The following GPC6 variants were observed in gnomAD, a reference collection of about 807,000 sequenced individuals.
The protein encoded by GPC6 is glypican 6.
Under a neutral mutation model 55.2 loss-of-function variants are expected in GPC6, and 14 were observed. That is an observed-to-expected ratio of 0.25 (90% confidence interval 0.17 to 0.40). GPC6 has a LOEUF of 0.40. Ranked by LOEUF, GPC6 falls within the 10% of genes least tolerant of loss-of-function variation. The pLI is 1.00. For synonymous variants in GPC6, 278 were observed against 259.6 expected, an observed-to-expected ratio of 1.07 and a Z score of -0.68; for missense variants, 641 against 708.5, an observed-to-expected ratio of 0.90 and a Z score of 1.08.
At chr13:94,273,112 C>T (rs1892097443) in intron 4 of GPC6, among the ~76,000 whole-genome samples, 1 of 152,164 alleles carries the variant, frequency 6.6e-6, no homozygotes, top group African/African-American at 2.4e-5. Flanking sequence ...TGCTGCCTGC[C>T]TGGTGTTGCA....
chr13:93,254,233 A>C (rs1453841532), intron 1 of GPC6, among the ~76,000 whole-genome samples: 1 of 152,168 alleles, frequency 6.6e-6, no homozygotes, highest in Admixed American at 6.5e-5. Context: ...GGCTGAGAAG[A>C]GGATCACTTG....
chr13:93,529,713 T>TA (rs1881792158), intron 1 of GPC6, among the ~76,000 whole-genome samples: 2 of 151,786 alleles, frequency 1.3e-5, no homozygotes, highest in Non-Finnish European at 1.5e-5. Context: ...GACAGGTTTT[T>TA]ACCACCTGGG....
intron 4 of GPC6, among the ~76,000 whole-genome samples, chr13:94,129,530 C>T (rs912395627): frequency 1.3e-5 from 2 of 152,108 alleles, no homozygotes. Flanking sequence ...GGTTCTGCCT[C>T]CCACTCTTCT....
chr13:93,434,795 C>T (rs530637932), intron 1 of GPC6, among the ~76,000 whole-genome samples: 1 of 152,280 alleles, frequency 6.6e-6, no homozygotes, highest in African/African-American at 2.4e-5. Flanking sequence ...CAATCCCCAC[C>T]TCCAGGGTTC....
At chr13:93,246,094 C>A (rs536452018) in intron 1 of GPC6, among the ~76,000 whole-genome samples, 1 of 152,318 alleles carries the variant, frequency 6.6e-6, no homozygotes, top group African/African-American at 2.4e-5. Flanking sequence ...ATCCCCCCAA[C>A]CTCCTCCTTG....
At chr13:93,771,407 T>C (rs9524204) in intron 2 of GPC6, among the ~76,000 whole-genome samples, 31,596 of 152,036 alleles carry the variant, frequency 0.21, 3,770 homozygotes, top group Non-Finnish European at 0.27. Context: ...GGAGTGCTGC[T>C]TTTTTGGCTT....
intron 1 of GPC6, among the ~76,000 whole-genome samples, chr13:93,463,700 G>A (rs1050997511): frequency 4.6e-5 from 7 of 152,090 alleles, no homozygotes; most frequent in Middle Eastern, 3.4e-3. Context: ...ACCACATTCT[G>A]GAACGCCTTT....
At chr13:93,369,877 C>T (rs1018651485) in intron 1 of GPC6, among the ~76,000 whole-genome samples, 2 of 152,068 alleles carry the variant, frequency 1.3e-5, no homozygotes, top group African/African-American at 4.8e-5. Flanking sequence ...CAGTGTATTT[C>T]AAATCATCAG....
intron 2 of GPC6, among the ~76,000 whole-genome samples, chr13:93,754,265 A>G (rs1884695777): frequency 6.6e-6 from 1 of 152,224 alleles, no homozygotes; most frequent in African/African-American, 2.4e-5. Flanking sequence ...GGACATTAGT[A>G]ACAGTTAGAA....
intron 2 of GPC6, among the ~76,000 whole-genome samples, chr13:93,547,805 C>A (rs9524124): frequency 0.15 from 20,770 of 139,014 alleles, 1,577 homozygotes; most frequent in East Asian, 0.3. Flanking sequence ...TAATAATAAT[C>A]ATCATCATCA....
intron 2 of GPC6, among the ~76,000 whole-genome samples, chr13:93,759,214 C>G (rs1884877932): frequency 6.6e-6 from 1 of 152,148 alleles, no homozygotes; most frequent in Non-Finnish European, 1.5e-5. Context: ...AATATGTTTT[C>G]AAGCTTGCCT....
chr13:94,319,409 G>A (rs757018586), intron 6 of GPC6, among the ~76,000 whole-genome samples: 3 of 151,940 alleles, frequency 2.0e-5, no homozygotes, highest in East Asian at 1.9e-4. Context: ...GGATAATTTC[G>A]TTCTGTCTTA....
At position 93,455,184 on chromosome 13, in the gene GPC6, CAATCTGAGGGAG is replaced by C. The variant is rs1158800849; in HGVS notation, c.161-90078_161-90067del. Among the ~76,000 whole-genome samples, 6 of 152,300 alleles carry C rather than the reference CAATCTGAGGGAG, an allele frequency of 3.9e-5. No individual in the cohort carries two copies. The East Asian group carries it at 1.2e-3, about 30-fold the overall frequency. ...GCGCCTCTCCCTCCACACCTCCCTG[CAATCTGAGGGAG>C]CCGGCTCCGGCCTTGGCCAGACCAG... On this transcript the variant is annotated intron_variant, in intron 1 of 8. Coordinates refer to ENST00000377047, the MANE Select transcript of GPC6 (RefSeq NM_005708.5).
intron 1 of GPC6, among the ~76,000 whole-genome samples, chr13:93,391,973 C>T (rs1182919434): frequency 6.6e-6 from 1 of 152,130 alleles, no homozygotes; most frequent in African/African-American, 2.4e-5. Flanking sequence ...AGCAAAATTA[C>T]CCAGCTCTCT....
At chr13:93,358,363 A>G (rs911153941) in intron 1 of GPC6, among the ~76,000 whole-genome samples, 1 of 152,128 alleles carries the variant, frequency 6.6e-6, no homozygotes, top group Non-Finnish European at 1.5e-5. Context: ...AATGGTTAAC[A>G]TTTATTGAGT....
intron 6 of GPC6, among the ~76,000 whole-genome samples, chr13:94,380,226 T>C (rs1461245174): frequency 6.6e-6 from 1 of 152,214 alleles, no homozygotes; most frequent in Admixed American, 6.5e-5. Context: ...AGAATAAACC[T>C]GACAGTATTT....
rs1879280452 is a variant in GPC6, at chr13:93,475,775, T to A, written c.161-69488T>A. Among the ~76,000 whole-genome samples the A allele has an allele frequency of 2.0e-5, 3 of 152,196 alleles. No homozygotes were observed. The South Asian group carries it at 6.2e-4, about 32-fold the overall frequency. On this transcript the variant is annotated intron_variant, in intron 1 of 8. Transcript: ENST00000377047. ...ACTAGAAGTGCACTTCTTTCTGAAA[T>A]AGCTTGTTACTTTTGGAGATCTAGA...
chr13:93,709,857 A>G (rs1283918044), intron 2 of GPC6, among the ~76,000 whole-genome samples: 1 of 151,704 alleles, frequency 6.6e-6, no homozygotes, highest in Non-Finnish European at 1.5e-5. Flanking sequence ...CTGGTTAAAA[A>G]CCAGATTCCC....
At chr13:93,762,123 G>C (rs1884974805) in intron 2 of GPC6, among the ~76,000 whole-genome samples, 1 of 152,078 alleles carries the variant, frequency 6.6e-6, no homozygotes, top group African/African-American at 2.4e-5. Context: ...GTGAGATTCT[G>C]TGATATTTGT....
Sources: gnomAD v4.1 joint callset for allele counts (sites outside exome capture counted in the v4.1 genomes callset) on GRCh38, gnomAD v4.1.1 for gene constraint, MANE v1.5 for transcripts, NCBI Gene and HGNC (gene_info 2026-07-23, HGNC 2026-07-21) for gene names.